IFT74: variants seen among roughly 807,000 people sequenced by gnomAD.
IFT74 encodes intraflagellar transport 74, also known as intraflagellar transport protein 74 homolog.
IFT74 carries 92 observed loss-of-function variants against 96.7 expected under a neutral mutation model. The ratio of observed to expected loss-of-function variants is 0.95; its 90% CI spans 0.80 to 1.13. The LOEUF is 1.13. IFT74 is among the 50% of genes most tolerant of loss of function. The probability of loss-of-function intolerance (pLI) is 0.00; values close to 1 mark genes in which losing one functional copy is unlikely to be tolerated. For missense variants in IFT74, 811 were observed against 698.2 expected (o/e 1.16, Z -1.82); for synonymous variants, 223 against 213.2 (o/e 1.05, Z -0.40).
chr9:27,055,864 T>C, intron 17 of IFT74, 92 bp downstream of exon 17: 1 of 761,646 alleles, frequency 1.3e-6, no homozygotes, highest in Non-Finnish European at 1.9e-6. Context: ...GATTTATTAT[T>C]TTAAGTTGAT....
At chr9:26,983,333 C>T (rs1304494429) in intron 4 of IFT74, among the ~76,000 whole-genome samples, 1 of 152,212 alleles carries the variant, frequency 6.6e-6, no homozygotes, top group African/African-American at 2.4e-5. Context: ...AGGATTTGTG[C>T]TTCCACATCA....
chr9:27,035,330 T>A (rs920072803), intron 13 of IFT74, among the ~76,000 whole-genome samples: 1 of 152,258 alleles, frequency 6.6e-6, no homozygotes, highest in Non-Finnish European at 1.5e-5. Context: ...TCAAATGGCA[T>A]CTATCCATTA....
At chr9:27,003,884 A>G (rs1030178895) in intron 8 of IFT74, among the ~76,000 whole-genome samples, 5 of 152,232 alleles carry the variant, frequency 3.3e-5, no homozygotes, top group African/African-American at 4.8e-5. Flanking sequence ...TAGTTTACCT[A>G]TGTTTAATGA....
Position 27,047,523 on chromosome 9 carries a change from A to G in IFT74, c.1206+152A>G, listed in dbSNP as rs1215262938. 9 of 543,576 alleles carry G rather than the reference A, an allele frequency of 1.7e-5. No individual in the cohort carries two copies. In the Admixed American group the frequency reaches 1.9e-4, roughly 11 times the overall value. The allele number at this position is 543,576 out of a possible 1,614,324, so 33.7% of individuals were successfully genotyped here. A position where few individuals can be genotyped will look rare whatever the true frequency, so the allele number is the denominator to read the frequency against. ...TTACTTGTTACTATTTATTTCAGCT[A>G]TTAACTTTTTTATCACTCTAGCAAA... is the stretch of plus-strand genomic sequence containing the variant. On this transcript the variant is annotated intron_variant, in intron 15 of 19. Coordinates refer to ENST00000380062, the MANE Select transcript of IFT74 (RefSeq NM_025103.4).
chr9:27,054,030 C>T (rs1820050541), intron 16 of IFT74, among the ~76,000 whole-genome samples: 2 of 152,148 alleles, frequency 1.3e-5, no homozygotes, highest in African/African-American at 2.4e-5. Context: ...GTGTATGTCG[C>T]TGTGGTTGAC....
chr9:26,947,628 C>A (rs1435905404), intron 1 of IFT74, among the ~76,000 whole-genome samples: 1 of 152,216 alleles, frequency 6.6e-6, no homozygotes, highest in African/African-American at 2.4e-5. Context: ...GTCATCCTCA[C>A]TGCTTTTCCC....
At chr9:26,988,625 A>T (rs772472123) in intron 6 of IFT74, 44 bp from the exon 7 acceptor site, 1 of 1,493,120 alleles carries the variant, frequency 6.7e-7, no homozygotes, top group Non-Finnish European at 9.1e-7. Flanking sequence ...ACATGTGTAA[A>T]GACTAACAAA....
At chr9:27,036,635 A>T in intron 13 of IFT74, 3 of 1,435,740 alleles carry the variant, frequency 2.1e-6, no homozygotes, top group Non-Finnish European at 2.7e-6. Flanking sequence ...AGCAGTGTTC[A>T]TCTGGCATTT....
At chr9:27,054,336 T>C (rs1045004005) in intron 16 of IFT74, among the ~76,000 whole-genome samples, 2 of 152,212 alleles carry the variant, frequency 1.3e-5, no homozygotes, top group Non-Finnish European at 2.9e-5. Context: ...AGCCTTTAAT[T>C]GAAAGGCATA....
At chr9:27,030,623 G>C (rs1830077496) in intron 13 of IFT74, among the ~76,000 whole-genome samples, 1 of 150,426 alleles carries the variant, frequency 6.6e-6, no homozygotes, top group South Asian at 2.1e-4. Flanking sequence ...GTGCTAACTA[G>C]AAACAATGAG....
chr9:27,005,915 A>G (rs1318160809), intron 8 of IFT74, among the ~76,000 whole-genome samples: 1 of 151,958 alleles, frequency 6.6e-6, no homozygotes, highest in Non-Finnish European at 1.5e-5. Flanking sequence ...TCTCGGCTCA[A>G]TGCAACCTCC....
chr9:27,040,841 G>T (rs916552115), intron 13 of IFT74, among the ~76,000 whole-genome samples: 1 of 152,106 alleles, frequency 6.6e-6, no homozygotes, highest in African/African-American at 2.4e-5. Flanking sequence ...CTTCTTAGGG[G>T]CAGAACTACT....
chr9:26,991,633 A>G (rs908244788), intron 8 of IFT74, among the ~76,000 whole-genome samples: 3 of 151,808 alleles, frequency 2.0e-5, no homozygotes, highest in South Asian at 2.1e-4. Context: ...TCTTACTTGA[A>G]AACGTTCCTT....
chr9:26,958,882 A>G (rs1228179377), intron 1 of IFT74, among the ~76,000 whole-genome samples: 2 of 152,176 alleles, frequency 1.3e-5, no homozygotes, highest in African/African-American at 2.4e-5. Context: ...AAAATGCTCT[A>G]TATAAGGACA....
At chr9:27,020,862 G>A (rs560640922) in intron 12 of IFT74, among the ~76,000 whole-genome samples, 54 of 152,104 alleles carry the variant, frequency 3.6e-4, no homozygotes, top group African/African-American at 1.3e-3. Context: ...AGATTTTGAT[G>A]CATCCATCAA....
intron 6 of IFT74, among the ~76,000 whole-genome samples, chr9:26,985,977 C>T (rs1052908898): frequency 6.6e-6 from 1 of 152,120 alleles, no homozygotes; most frequent in African/African-American, 2.4e-5. Flanking sequence ...GAAACAGTCC[C>T]CCTGGCAATA....
intron 12 of IFT74, among the ~76,000 whole-genome samples, chr9:27,028,018 T>G (rs954716400): frequency 1.3e-5 from 2 of 152,230 alleles, no homozygotes; most frequent in Non-Finnish European, 2.9e-5. Flanking sequence ...AGCTTCTGCA[T>G]ATGCACTTTT....
intron 8 of IFT74, among the ~76,000 whole-genome samples, chr9:26,997,330 CTTTTTTTTTT>C (rs773530183): frequency 2.4e-5 from 3 of 123,604 alleles, no homozygotes; most frequent in Non-Finnish European, 5.0e-5. Context: ...GTTTCCTTTC[CTTTTTTTTTT>C]TTTTTTTTTT....
intron 8 of IFT74, among the ~76,000 whole-genome samples, chr9:27,000,206 TC>T (rs1182754969): frequency 6.6e-6 from 1 of 152,198 alleles, no homozygotes; most frequent in Non-Finnish European, 1.5e-5. Context: ...TTCTATTTTT[TC>T]TTTTTAGAGA....
Sources: gnomAD v4.1 joint callset for allele counts (sites outside exome capture counted in the v4.1 genomes callset) on GRCh38, gnomAD v4.1.1 for gene constraint, MANE v1.5 for transcripts, NCBI Gene and HGNC (gene_info 2026-07-23, HGNC 2026-07-21) for gene names.